The following CPNE4 variants were observed in gnomAD, a reference collection of about 807,000 sequenced individuals.
CPNE4 encodes the protein copine-4.
A neutral mutation model predicts 67.9 loss-of-function variants in CPNE4; 25 were observed. The observed-to-expected ratio is 0.37, with a 90% CI of 0.27 to 0.51. The LOEUF (loss-of-function observed/expected upper bound fraction) is 0.51. Ranked by LOEUF, CPNE4 falls within the 20% of genes least tolerant of loss-of-function variation. The pLI, the probability that CPNE4 is intolerant of heterozygous loss-of-function variation, is 0.93. For synonymous variants in CPNE4, 242 were observed against 244.9 expected (o/e 0.99, Z 0.11); for missense variants, 464 against 690.8 (o/e 0.67, Z 3.68).
chr3:131,828,342 T>C (rs1486998633), intron 2 of CPNE4, among the ~76,000 whole-genome samples: 1 of 152,204 alleles, frequency 6.6e-6, no homozygotes, highest in Non-Finnish European at 1.5e-5. Context: ...TATAACACCT[T>C]AGCTTAGTTT....
chr3:131,927,525 G>T (rs1243723519), intron 1 of CPNE4, among the ~76,000 whole-genome samples: 1 of 152,068 alleles, frequency 6.6e-6, no homozygotes, highest in African/African-American at 2.4e-5. Context: ...TCCTACTCCA[G>T]ACTGGGTGCT....
At chr3:131,729,802 C>T (rs1226349472) in intron 2 of CPNE4, among the ~76,000 whole-genome samples, 2 of 152,186 alleles carry the variant, frequency 1.3e-5, no homozygotes, top group East Asian at 3.8e-4. Context: ...GGTTCCTGCT[C>T]ACTAGTTCCT....
chr3:131,899,844 T>C (rs182091194), intron 2 of CPNE4, among the ~76,000 whole-genome samples: 3 of 152,232 alleles, frequency 2.0e-5, no homozygotes, highest in Admixed American at 6.5e-5. Context: ...TTTATCCTCA[T>C]GGTTTAATAC....
At chr3:131,864,780 G>A (rs945990531) in intron 2 of CPNE4, among the ~76,000 whole-genome samples, 3 of 152,008 alleles carry the variant, frequency 2.0e-5, no homozygotes, top group Admixed American at 1.3e-4. Flanking sequence ...TCCCTGTCTT[G>A]TGCCAGTTTT....
chr3:131,810,574 A>T (rs2084487104), intron 2 of CPNE4, among the ~76,000 whole-genome samples: 1 of 152,114 alleles, frequency 6.6e-6, no homozygotes, highest in South Asian at 2.1e-4. Context: ...GAACCCTTGT[A>T]CACTGTTGGT....
At chr3:131,954,749 G>A (rs945519734) in intron 1 of CPNE4, among the ~76,000 whole-genome samples, 3 of 152,114 alleles carry the variant, frequency 2.0e-5, no homozygotes, top group African/African-American at 7.2e-5. Flanking sequence ...TGCGGTGTTT[G>A]GTTTTCTGTC....
intron 2 of CPNE4, among the ~76,000 whole-genome samples, chr3:131,862,241 G>A (rs1184921677): frequency 2.6e-5 from 4 of 152,014 alleles, no homozygotes; most frequent in African/African-American, 7.2e-5. Flanking sequence ...TTCCTATCCT[G>A]ACTCTTGAGA....
intron 2 of CPNE4, among the ~76,000 whole-genome samples, chr3:131,776,983 G>T (rs1013801326): frequency 9.2e-5 from 14 of 152,110 alleles, no homozygotes; most frequent in Non-Finnish European, 1.8e-4. Flanking sequence ...TGCCCTAGTA[G>T]CTCAGGGAAG....
chr3:132,027,558 G>C (rs893396068), intron 1 of CPNE4, among the ~76,000 whole-genome samples: 3 of 151,996 alleles, frequency 2.0e-5, no homozygotes, highest in African/African-American at 7.3e-5. Context: ...AGGACGTAAA[G>C]GCCACCAAGC....
At chr3:131,599,732 G>A (rs1308038266) in intron 7 of CPNE4, among the ~76,000 whole-genome samples, 6 of 152,136 alleles carry the variant, frequency 3.9e-5, no homozygotes, top group African/African-American at 1.4e-4. Context: ...TCAACCTAAG[G>A]TGAGGTGAAA....
intron 2 of CPNE4, among the ~76,000 whole-genome samples, chr3:131,742,929 A>C (rs1054984308): frequency 2.0e-5 from 3 of 152,178 alleles, no homozygotes; most frequent in Non-Finnish European, 4.4e-5. Flanking sequence ...AAAATATAGA[A>C]ACTTAATATT....
chr3:131,749,287 T>TAGTTC (rs1444558056), intron 2 of CPNE4, among the ~76,000 whole-genome samples: 3 of 152,316 alleles, frequency 2.0e-5, no homozygotes, highest in South Asian at 4.1e-4. Context: ...TCTTGATTTC[T>TAGTTC]AGTTCAATTC....
intron 7 of CPNE4, among the ~76,000 whole-genome samples, chr3:131,613,765 C>T (rs559817672): frequency 1.7e-4 from 26 of 152,238 alleles, no homozygotes; most frequent in African/African-American, 6.3e-4. Flanking sequence ...GACCATCACT[C>T]CCCTTTGTGT....
chr3:131,948,355 T>C (rs1278434931), intron 1 of CPNE4, among the ~76,000 whole-genome samples: 1 of 152,180 alleles, frequency 6.6e-6, no homozygotes, highest in Non-Finnish European at 1.5e-5. Flanking sequence ...TGTCCTGCCA[T>C]CCTGTGAAGA....
intron 14 of CPNE4, among the ~76,000 whole-genome samples, chr3:131,545,925 G>A (rs1350443195): frequency 6.6e-6 from 1 of 152,098 alleles, no homozygotes; most frequent in Non-Finnish European, 1.5e-5. Context: ...GGCTGGGCGT[G>A]GTGGCACGTG....
At position 131,566,887 on chromosome 3, in the gene CPNE4, G is replaced by A. The variant is rs1203962753; in HGVS notation, c.928-2538C>T. Among the ~76,000 whole-genome samples the A allele has an allele frequency of 2.6e-5, 4 of 152,072 alleles. 1 individual carries two copies. Among genetic ancestry groups the A allele is most frequent in the African/African-American group, 2.4e-5 (1 of 41,534 alleles). ...AGTACTCCAGGGAATTCTAGAGAGC[G>A]TGAAGATGTTGTTATGGAGATTACC... On this transcript the variant is annotated intron_variant, in intron 10 of 15. Transcript: ENST00000429747.
intron 1 of CPNE4, among the ~76,000 whole-genome samples, chr3:132,002,197 A>G (rs901118561): frequency 1.3e-5 from 2 of 152,112 alleles, no homozygotes; most frequent in East Asian, 1.9e-4. Context: ...TATCATCTCA[A>G]TAGTACACCA....
intron 1 of CPNE4, among the ~76,000 whole-genome samples, chr3:131,906,856 T>G (rs1199317567): frequency 3.3e-5 from 5 of 151,804 alleles, no homozygotes; most frequent in Non-Finnish European, 4.4e-5. Context: ...TGAACTAGTT[T>G]ACAGTCCCAC....
chr3:131,792,643 ATATG>A lies in CPNE4; in HGVS notation c.181-69022_181-69019del, dbSNP rs879496700. Among the ~76,000 whole-genome samples the A allele has an allele frequency of 7.2e-3, 568 of 78,934 alleles. 10 individuals are homozygous for A. Among genetic ancestry groups the A allele is most frequent in the Admixed American group, 0.013 (83 of 6,176 alleles). The allele number at this position is 78,934 out of a possible 152,430, so 51.8% of individuals were successfully genotyped here. ...TGTATATATATATACACACGTGTATATATGTATATATACACACGTGTATATATAC... is the reference window on the plus strand; with the variant it reads ...TGTATATATATATACACACGTGTATATATATATACACACGTGTATATATAC... On this transcript the variant is annotated intron_variant, in intron 2 of 15. Transcript: ENST00000429747.
Sources: allele counts gnomAD v4.1 joint callset (sites outside exome capture counted in the v4.1 genomes callset), GRCh38; gene constraint gnomAD v4.1.1; transcripts MANE v1.5; gene names NCBI Gene and HGNC (gene_info 2026-07-23, HGNC 2026-07-21).